The following UBXN8 variants were observed in gnomAD, a reference collection of about 807,000 sequenced individuals.
The protein encoded by UBXN8 is UBX domain protein 8.
Under a neutral mutation model 32.1 loss-of-function variants are expected in UBXN8, and 27 were observed. The ratio of observed to expected loss-of-function variants is 0.84; its 90% CI spans 0.62 to 1.16. UBXN8 has a LOEUF of 1.16. Ranked by LOEUF, UBXN8 falls within the 50% of genes most tolerant of loss-of-function variation. The pLI is 0.00. For synonymous variants in UBXN8, 109 were observed against 111.8 expected (o/e 0.98, Z 0.16); for missense variants, 306 against 311.4 (o/e 0.98, Z 0.13).
chr8:30,732,247 G>T (rs191243522), upstream of UBXN8: 1,388 of 394,114 alleles, frequency 3.5e-3, 20 homozygotes, highest in African/African-American at 0.025. Flanking sequence ...GTACGTTGAT[G>T]ACCTTTTGCT....
intron 7 of UBXN8, among the ~76,000 whole-genome samples, chr8:30,764,951 G>A (rs1805960099): frequency 6.6e-6 from 1 of 152,188 alleles, no homozygotes; most frequent in Non-Finnish European, 1.5e-5. Flanking sequence ...TCAGGAGGCT[G>A]AGGCAGGAGA....
At chr8:30,740,645 A>G (rs1805179164), upstream of UBXN8, among the ~76,000 whole-genome samples, 2 of 151,618 alleles carry the variant, frequency 1.3e-5, no homozygotes, top group African/African-American at 2.4e-5. Flanking sequence ...TGATCGCTTG[A>G]GCCCAGGGGT....
chr8:30,744,411 C>T, intron 1 of UBXN8, 134 bp downstream of exon 1: 3 of 817,324 alleles, frequency 3.7e-6, no homozygotes, highest in Non-Finnish European at 4.0e-6. Flanking sequence ...ATCGCCCCTG[C>T]CCCCCCACTT....
At chr8:30,750,148 A>AT (rs1404183919) in intron 1 of UBXN8, among the ~76,000 whole-genome samples, 1 of 151,976 alleles carries the variant, frequency 6.6e-6, no homozygotes, top group East Asian at 1.9e-4. Flanking sequence ...TGAGTTCCAC[A>AT]TTGAGCATTT....
At chr8:30,753,771 C>CT (rs748807226) in intron 3 of UBXN8, among the ~76,000 whole-genome samples, 109,031 of 122,600 alleles carry the variant, frequency 0.89, 50,195 homozygotes, top group South Asian at 0.98. Flanking sequence ...AGATATACCA[C>CT]TTTTTTTTTT....
chr8:30,729,249 A>G (rs955131204), upstream of UBXN8, among the ~76,000 whole-genome samples: 2 of 152,226 alleles, frequency 1.3e-5, no homozygotes, highest in Non-Finnish European at 2.9e-5. Context: ...TGGAACGCCT[A>G]GTCAGAGCAG....
chr8:30,739,461 GTGAACC>G (rs1256595532), upstream of UBXN8, among the ~76,000 whole-genome samples: 1 of 151,962 alleles, frequency 6.6e-6, no homozygotes, highest in African/African-American at 2.4e-5. Flanking sequence ...GGAGAACGGC[GTGAACC>G]TGGGAGGTGG....
At chr8:30,748,468 G>GA (rs538718073) in intron 1 of UBXN8, among the ~76,000 whole-genome samples, 135 of 90,366 alleles carry the variant, frequency 1.5e-3, no homozygotes, top group East Asian at 2.7e-3. Context: ...CCATCTGAAA[G>GA]AAAAAAAAAA....
At chr8:30,765,018 C>G (rs1805961670) in intron 7 of UBXN8, among the ~76,000 whole-genome samples, 1 of 152,156 alleles carries the variant, frequency 6.6e-6, no homozygotes. Flanking sequence ...CCACTGCACT[C>G]CAGTCTGGGA....
At chr8:30,735,262 CA>C (rs1355487864) in intron 1 of UBXN8, among the ~76,000 whole-genome samples, 1 of 152,162 alleles carries the variant, frequency 6.6e-6, no homozygotes, top group Non-Finnish European at 1.5e-5. Flanking sequence ...TGGTGAATGG[CA>C]GAGCAGGAAT....
chr8:30,749,695 T>A (rs1805467996), intron 1 of UBXN8, among the ~76,000 whole-genome samples: 1 of 151,264 alleles, frequency 6.6e-6, no homozygotes, highest in Non-Finnish European at 1.5e-5. Context: ...AAGCTCTGCC[T>A]CACAGGTTCA....
At chr8:30,755,569 A>G (rs1586100458) in intron 4 of UBXN8, among the ~76,000 whole-genome samples, 2 of 141,604 alleles carry the variant, frequency 1.4e-5, no homozygotes, top group South Asian at 2.4e-4. Context: ...CCTGGGCAAC[A>G]TAGGAAGACC....
intron 3 of UBXN8, among the ~76,000 whole-genome samples, chr8:30,753,732 T>A (rs1805573779): frequency 6.6e-6 from 1 of 151,818 alleles, no homozygotes; most frequent in African/African-American, 2.4e-5. Context: ...TGGATTTACC[T>A]ATTGTGGATG....
chr8:30,750,553 A>G (rs1299223055), intron 1 of UBXN8, among the ~76,000 whole-genome samples: 1 of 151,846 alleles, frequency 6.6e-6, no homozygotes, highest in East Asian at 1.9e-4. Flanking sequence ...CGGGCGGATC[A>G]TGAGGTCAGG....
chr8:30,762,365 T>G (rs1396508093), intron 6 of UBXN8, among the ~76,000 whole-genome samples: 1 of 149,090 alleles, frequency 6.7e-6, no homozygotes, highest in East Asian at 2.0e-4. Context: ...TGTGAGTCAC[T>G]GTGCCTGATG....
In UBXN8 at chr8:30,766,224, T is replaced by C. The variant is rs1444966051; in HGVS notation, c.646-3T>C. 9.9e-6 allele frequency: 16 copies of C among 1,609,634 alleles called. No homozygotes were observed. The highest frequency in any genetic ancestry group is 8.4e-5 in the Admixed American group (5 of 59,666). ...TGACTAAGCCAAGCTTTTCATCTTC[T>C]AGGTCTTATTTGACTGGATGACGAG... On this transcript the variant is annotated splice_region_variant and splice_polypyrimidine_tract_variant and intron_variant, in intron 7 of 7. Transcript: ENST00000265616.
chr8:30,732,695 G>C (rs1804993213), exon 1 of UBXN8: 1 of 154,862 alleles, frequency 6.5e-6, no homozygotes, highest in African/African-American at 2.5e-5. Context: ...GTATGTGTCA[G>C]AGAGAGAAAA....
At position 30,760,904 on chromosome 8, in the gene UBXN8, A is replaced by C; in HGVS notation, c.545A>C (p.Glu182Ala). The change falls in exon 6 of 8, where the codon GAA becomes GCA. Residue 182 changes from glutamate to alanine, a missense_variant. Coordinates refer to ENST00000265616, the MANE Select transcript of UBXN8 (RefSeq NM_005671.4). Reference sequence around the variant, plus strand: ...TTTCTTTAGATTCCTGATTTACCTGAAGAACCTTCTCAAACAGCAGAAGAA... The same window carrying C: ...TTTCTTTAGATTCCTGATTTACCTGCAGAACCTTCTCAAACAGCAGAAGAA... ...PTCKEIPDLP[E>A]EPSQTAEEVV... 6.5e-7 allele frequency: 1 copy of C among 1,538,078 alleles called. No individual in the cohort carries two copies. Among genetic ancestry groups the C allele is most frequent in the South Asian group, 1.2e-5 (1 of 80,378 alleles).
At chr8:30,762,549 T>C (rs1805862013) in intron 6 of UBXN8, among the ~76,000 whole-genome samples, 1 of 152,092 alleles carries the variant, frequency 6.6e-6, no homozygotes, top group Non-Finnish European at 1.5e-5. Flanking sequence ...TACGCCACAA[T>C]GCCTGGCTAA....
Sources: allele counts gnomAD v4.1 joint callset (sites outside exome capture counted in the v4.1 genomes callset), GRCh38; gene constraint gnomAD v4.1.1; transcripts MANE v1.5; gene names NCBI Gene and HGNC (gene_info 2026-07-23, HGNC 2026-07-21).